The following RSU1 variants were observed in gnomAD, a reference collection of about 807,000 sequenced individuals.
RSU1 encodes the protein Ras suppressor protein 1.
Under a neutral mutation model 31.1 loss-of-function variants are expected in RSU1, and 26 were observed. The ratio of observed to expected loss-of-function variants is 0.84; its 90% CI spans 0.61 to 1.16. The LOEUF is 1.16. RSU1 is among the 50% of genes most tolerant of loss of function. The probability of loss-of-function intolerance (pLI) is 0.00; values close to 1 mark genes in which losing one functional copy is unlikely to be tolerated. For missense variants in RSU1, 320 were observed against 339.1 expected (o/e 0.94, Z 0.44); for synonymous variants, 164 against 136.3 (o/e 1.20, Z -1.41).
intron 7 of RSU1, among the ~76,000 whole-genome samples, chr10:16,734,748 G>A (rs1382540216): frequency 6.6e-6 from 1 of 152,188 alleles, no homozygotes. Flanking sequence ...CAAAAAGTAA[G>A]AAACATGAGA....
At chr10:16,803,231 A>T (rs565568376) in intron 2 of RSU1, among the ~76,000 whole-genome samples, 1 of 152,276 alleles carries the variant, frequency 6.6e-6, no homozygotes, top group Admixed American at 6.5e-5. Context: ...AAAAAATAGA[A>T]TTTTACATTA....
chr10:16,795,673 G>A (rs535501422), intron 2 of RSU1, among the ~76,000 whole-genome samples: 13 of 152,262 alleles, frequency 8.5e-5, no homozygotes, highest in South Asian at 6.2e-4. Flanking sequence ...ATATGCCACC[G>A]GTTGCATCCA....
intron 8 of RSU1, among the ~76,000 whole-genome samples, chr10:16,653,698 T>C (rs1834724764): frequency 6.6e-6 from 1 of 152,122 alleles, no homozygotes; most frequent in Non-Finnish European, 1.5e-5. Context: ...ATTTGTATTA[T>C]GATTTGATTG....
At chr10:16,609,573 C>T (rs968589526) in intron 8 of RSU1, among the ~76,000 whole-genome samples, 5 of 152,186 alleles carry the variant, frequency 3.3e-5, no homozygotes, top group African/African-American at 4.8e-5. Context: ...AAGCACCTCC[C>T]GGGCCCCGTA....
intron 8 of RSU1, among the ~76,000 whole-genome samples, chr10:16,645,737 G>C (rs1834525740): frequency 6.6e-6 from 1 of 150,646 alleles, no homozygotes; most frequent in South Asian, 2.1e-4. Context: ...AACTCGGGAG[G>C]CGGAGGTTGC....
intron 7 of RSU1, among the ~76,000 whole-genome samples, chr10:16,700,648 G>C (rs1384381134): frequency 6.6e-6 from 1 of 152,214 alleles, no homozygotes; most frequent in Admixed American, 6.5e-5. Context: ...GCCGACTCTG[G>C]AAAGTTCCTA....
intron 7 of RSU1, among the ~76,000 whole-genome samples, chr10:16,716,037 A>G (rs1459790446): frequency 1.3e-5 from 2 of 152,278 alleles, no homozygotes; most frequent in Non-Finnish European, 2.9e-5. Context: ...GTCTTTAAAA[A>G]GAACAAAATC....
chr10:16,658,088 C>T (rs1834823844), intron 8 of RSU1, among the ~76,000 whole-genome samples: 1 of 152,208 alleles, frequency 6.6e-6, no homozygotes, highest in Non-Finnish European at 1.5e-5. Flanking sequence ...TAACAGGGCT[C>T]AGTTGCTTGA....
chr10:16,797,856 CTTTTTT>C (rs766748303), intron 2 of RSU1, among the ~76,000 whole-genome samples: 3 of 103,508 alleles, frequency 2.9e-5, no homozygotes, highest in Non-Finnish European at 6.1e-5. Flanking sequence ...GGGATTTCTT[CTTTTTT>C]TTTTTTTTTT....
At chr10:16,792,527 G>A (rs530540622) in intron 2 of RSU1, among the ~76,000 whole-genome samples, 18 of 152,294 alleles carry the variant, frequency 1.2e-4, no homozygotes, top group African/African-American at 3.4e-4. Flanking sequence ...CACTGCGCCC[G>A]GCCAGGGCTT....
chr10:16,802,821 G>A (rs1218792223), intron 2 of RSU1, among the ~76,000 whole-genome samples: 1 of 152,030 alleles, frequency 6.6e-6, no homozygotes, highest in East Asian at 1.9e-4. Context: ...AAAAGCACTG[G>A]AAAAATTCAA....
rs532209394 is a variant in RSU1, at chr10:16,752,880, G to A, written c.483+38C>T. The A allele has an allele frequency of 6.4e-6, 10 of 1,557,276 alleles. No homozygotes were observed. In the South Asian group the frequency reaches 1.1e-4, roughly 17 times the overall value. On this transcript the variant is annotated intron_variant, in intron 6 of 8. Transcript: ENST00000345264. ...ATTCTACCCCTACAAGGCTGCAGCA[G>A]TGAATTGATTTTCTAAGAATTTAGA...
At chr10:16,623,757 A>G (rs1189581810) in intron 8 of RSU1, among the ~76,000 whole-genome samples, 2 of 152,054 alleles carry the variant, frequency 1.3e-5, no homozygotes, top group Non-Finnish European at 2.9e-5. Context: ...TTTAACTTGC[A>G]TTTCTCTAAT....
intron 8 of RSU1, among the ~76,000 whole-genome samples, chr10:16,686,282 A>C (rs551804931): frequency 3.9e-5 from 6 of 152,252 alleles, no homozygotes; most frequent in Non-Finnish European, 8.8e-5. Flanking sequence ...TTTTAAATTT[A>C]TCTCTCAAAT....
intron 8 of RSU1, among the ~76,000 whole-genome samples, chr10:16,604,903 TC>T (rs753245629): frequency 1.1e-4 from 16 of 152,064 alleles, no homozygotes; most frequent in Non-Finnish European, 1.8e-4. Context: ...GGAAGAAAAG[TC>T]CTTTCTTTTC....
intron 7 of RSU1, among the ~76,000 whole-genome samples, chr10:16,699,395 A>G (rs1835741594): frequency 6.6e-6 from 1 of 152,206 alleles, no homozygotes; most frequent in African/African-American, 2.4e-5. Context: ...GCTGGCCATT[A>G]TATTGTGTGA....
intron 8 of RSU1, among the ~76,000 whole-genome samples, chr10:16,600,864 T>C (rs567421194): frequency 2.0e-5 from 3 of 152,144 alleles, no homozygotes; most frequent in South Asian, 4.1e-4. Flanking sequence ...GCCTGGCTGA[T>C]AGGTGGATTT....
At position 16,817,344 on chromosome 10, in the gene RSU1, G is replaced by A. The variant is rs1468257616; in HGVS notation, c.-33C>T. 1 of 437,036 alleles carries A rather than the reference G, an allele frequency of 2.3e-6. No homozygotes were observed. Among genetic ancestry groups the A allele is most frequent in the Non-Finnish European group, 4.2e-6 (1 of 239,460 alleles). 27.1% of individuals were successfully genotyped at this position (437,036 alleles called of 1,614,324 possible). A position where few individuals can be genotyped will look rare whatever the true frequency, so the allele number is the denominator to read the frequency against. ...GAAGGTAGCCCCTAAGACGATGGGCGTGCAACCACAAGCTTCGGCAGAACG... is the reference window on the plus strand; with the variant it reads ...GAAGGTAGCCCCTAAGACGATGGGCATGCAACCACAAGCTTCGGCAGAACG... On this transcript the variant is annotated 5_prime_UTR_variant, in exon 1 of 9. In the 5' UTR this introduces an upstream ATG that the reference lacks. Transcript: ENST00000345264.
At position 16,745,705 on chromosome 10, in the gene RSU1, T is replaced by C. The variant is rs547520168; in HGVS notation, c.598+6834A>G. On this transcript the variant is annotated intron_variant, in intron 7 of 8. Transcript: ENST00000345264. ...CGTGGGAATTATGGGAGCTACCAGA[T>C]GAGATTTGGGTGAGGACACAGAGCC... Among the ~76,000 whole-genome samples the C allele has an allele frequency of 4.6e-5, 7 of 152,240 alleles. No individual in the cohort carries two copies. In the East Asian group the frequency reaches 1.2e-3, roughly 25 times the overall value.
Sources: allele counts gnomAD v4.1 joint callset (sites outside exome capture counted in the v4.1 genomes callset), GRCh38; gene constraint gnomAD v4.1.1; transcripts MANE v1.5; gene names NCBI Gene and HGNC (gene_info 2026-07-23, HGNC 2026-07-21).